The following DOCK6 variants were observed in gnomAD, a reference collection of about 807,000 sequenced individuals.
DOCK6 encodes dedicator of cytokinesis 6.
DOCK6 carries 167 observed loss-of-function variants against 230.3 expected under a neutral mutation model. The ratio of observed to expected loss-of-function variants is 0.73; its 90% CI spans 0.64 to 0.82. The LOEUF is 0.82. Ranked by LOEUF, DOCK6 falls within the 40% of genes least tolerant of loss-of-function variation. The pLI is 0.00. For synonymous variants in DOCK6, 1,148 were observed against 1,185.0 expected (o/e 0.97, Z 0.64); for missense variants, 2,598 against 2,825.8 (o/e 0.92, Z 1.83).
At chr19:11,252,682 T>A in intron 3 of DOCK6, 101 bp downstream of exon 3, 1 of 1,594,714 alleles carries the variant, frequency 6.3e-7, no homozygotes. Context: ...GCATGGCTTG[T>A]CCAACGTCAC....
At chr19:11,235,922 C>A in intron 20 of DOCK6, 163 bp from the exon 21 acceptor site, 1 of 980,114 alleles carries the variant, frequency 1.0e-6, no homozygotes, top group African/African-American at 1.7e-5. Flanking sequence ...GCTCTGTTGC[C>A]CGGGCTGGAG....
In DOCK6 at chr19:11,243,441, AG is replaced by A. The variant is rs1293147841; in HGVS notation, c.1259-57del. The A allele has an allele frequency of 1.9e-6, 3 of 1,574,132 alleles. No individual in the cohort carries two copies. The highest frequency in any genetic ancestry group is 2.6e-6 in the Non-Finnish European group (3 of 1,161,784). ...GGACCAAGATGAAACAGGGAGACTC[AG>A]GGGCGGCACAGTTCGGCCAGCAGAG... is the stretch of plus-strand genomic sequence containing the variant. On this transcript the variant is annotated intron_variant, in intron 11 of 47. Coordinates refer to ENST00000294618, the MANE Select transcript of DOCK6 (RefSeq NM_020812.4). This position sits in a 1 kb window ranked among gnomAD's most constrained non-coding sequence, Gnocchi z 6.3.
At chr19:11,251,532 G>C (rs1210617650) in intron 5 of DOCK6, 2 of 158,374 alleles carry the variant, frequency 1.3e-5, no homozygotes, top group African/African-American at 4.8e-5. Context: ...AACTCTAAGG[G>C]CCTCAGTTTC....
intron 22 of DOCK6, among the ~76,000 whole-genome samples, chr19:11,229,723 G>A (rs1021079815): frequency 1.3e-5 from 2 of 151,870 alleles, no homozygotes; most frequent in South Asian, 4.2e-4. Context: ...TGTGGGTATG[G>A]GAGAAGAACG....
Position 11,243,361 on chromosome 19 carries a change from C to T in DOCK6, c.1283G>A (p.Arg428His), listed in dbSNP as rs1177689719. 1 of 1,601,336 alleles carries T rather than the reference C, an allele frequency of 6.2e-7. No individual in the cohort carries two copies. Among genetic ancestry groups the T allele is most frequent in the Non-Finnish European group, 8.5e-7 (1 of 1,174,636 alleles). ...CCGGTCCTGGGGCCCCCGACGGCGG[C>T]GGTCTGTCCAGGCTGGCCGGCGCTC... ...EGERRPAWTD[R>H]RRRGPQDRAS... Residue 428 changes from arginine to histidine, a missense_variant, in exon 12 of 48, where the codon CGC (arginine) becomes CAC (histidine). Transcript: ENST00000294618. This position sits in a 1 kb window ranked among gnomAD's most constrained non-coding sequence, Gnocchi z 6.3.
intron 1 of DOCK6, among the ~76,000 whole-genome samples, chr19:11,261,295 C>A (rs549297432): frequency 6.6e-6 from 1 of 152,224 alleles, no homozygotes; most frequent in African/African-American, 2.4e-5. Flanking sequence ...TCAAAGGCAC[C>A]TGCTCATCCA....
At chr19:11,229,063 T>A in intron 22 of DOCK6, 28 bp from the exon 23 acceptor site, 1 of 1,603,068 alleles carries the variant, frequency 6.2e-7, no homozygotes, top group Non-Finnish European at 8.5e-7. Flanking sequence ...GGTCACAGAG[T>A]GCGAGGTGCC....
In DOCK6 at chr19:11,217,212, G is replaced by A. The variant is rs761892295; in HGVS notation, c.3711+19C>T. ...ATTCAAAGTGGATGATGTCTATGGG[G>A]ACAAGCCTCCCTACTCACCGTTGGT... On this transcript the variant is annotated intron_variant, in intron 29 of 47. Transcript: ENST00000294618. The A allele has an allele frequency of 4.3e-6, 7 of 1,609,710 alleles. No individual in the cohort carries two copies. In the East Asian group the frequency reaches 1.6e-4, roughly 36 times the overall value.
At chr19:11,212,240 T>C in intron 35 of DOCK6, 89 bp from the exon 36 acceptor site, 1 of 1,446,810 alleles carries the variant, frequency 6.9e-7, no homozygotes. Context: ...ACATGGCCCT[T>C]GCGTTCTTTA....
intron 6 of DOCK6, among the ~76,000 whole-genome samples, chr19:11,250,646 C>T (rs1165149060): frequency 6.6e-6 from 1 of 152,090 alleles, no homozygotes; most frequent in Non-Finnish European, 1.5e-5. Context: ...ATACAATAGG[C>T]ACCCAATAAA....
chr19:11,253,033 C>T (rs569915444), intron 2 of DOCK6, 75 bp from the exon 3 acceptor site: 39 of 1,438,414 alleles, frequency 2.7e-5, no homozygotes, highest in South Asian at 5.3e-5. Context: ...GGGGTGGGTG[C>T]GCGCTGGCTT....
chr19:11,243,521 A>T lies in DOCK6; in HGVS notation c.1258+36T>A. On this transcript the variant is annotated intron_variant, in intron 11 of 47. Transcript: ENST00000294618. The surrounding 1 kb of genome is among the most constrained non-coding windows in gnomAD (Gnocchi z 6.3). The stretch of plus-strand genomic sequence containing the variant: ...CCCAGGCCTGTCAGCACCACCCTTT[A>T]GCCCCGCCCCAAGCCTGTTAGCCCC... The T allele has an allele frequency of 1.3e-6, 2 of 1,565,528 alleles. No homozygotes were observed. Among genetic ancestry groups the T allele is most frequent in the Non-Finnish European group, 1.7e-6 (2 of 1,157,422 alleles).
chr19:11,237,936 T>C, intron 16 of DOCK6, 109 bp downstream of exon 16: 1 of 1,448,616 alleles, frequency 6.9e-7, no homozygotes, highest in Non-Finnish European at 9.4e-7. Context: ...TCTACCTCTC[T>C]TCTTCCTGTC....
Position 11,222,643 on chromosome 19 carries a change from T to G in DOCK6, c.3240+92A>C. Reference sequence around the variant, plus strand: ...AGTTCACCTAGGCAGTGGTCCACCGTGAAAGGGACAGAGATGAGGGAACCA... The same window carrying G: ...AGTTCACCTAGGCAGTGGTCCACCGGGAAAGGGACAGAGATGAGGGAACCA... On this transcript the variant is annotated intron_variant, in intron 26 of 47. Coordinates refer to ENST00000294618, the MANE Select transcript of DOCK6 (RefSeq NM_020812.4). The surrounding 1 kb of genome is among the most constrained non-coding windows in gnomAD (Gnocchi z 4.0). 7.4e-7 allele frequency: 1 copy of G among 1,351,182 alleles called. No homozygotes were observed. The allele number at this position is 1,351,182 out of a possible 1,614,324, so 83.7% of individuals were successfully genotyped here.
At chr19:11,247,996 G>T in intron 7 of DOCK6, 70 bp downstream of exon 7, 1 of 1,372,726 alleles carries the variant, frequency 7.3e-7, no homozygotes, top group Non-Finnish European at 1.0e-6. Context: ...TACTCATGTA[G>T]TGTGTACCCC....
intron 21 of DOCK6, among the ~76,000 whole-genome samples, chr19:11,234,499 T>C (rs2079816432): frequency 7.6e-6 from 1 of 131,196 alleles, no homozygotes; most frequent in Admixed American, 7.4e-5. Flanking sequence ...GGTGTTTATT[T>C]GGCAAATTAA....
Position 11,243,342 on chromosome 19 carries a change from C to G in DOCK6, c.1302G>C (p.Gln434His). 6.3e-7 allele frequency: 1 copy of G among 1,599,736 alleles called. No individual in the cohort carries two copies. The highest frequency in any genetic ancestry group is 1.7e-4 in the Middle Eastern group (1 of 6,044). ...AWTDRRRRGP[Q>H]DRASSGDDAC... ...CGTCGTCCCCACTACTCGCCCGGTC[C>G]TGGGGCCCCCGACGGCGGCGGTCTG... is the stretch of plus-strand genomic sequence containing the variant. Residue 434 changes from glutamine (Q) to histidine (H), a missense_variant, in exon 12 of 48, where the codon CAG becomes CAC. Transcript: ENST00000294618. The surrounding 1 kb of genome is among the most constrained non-coding windows in gnomAD (Gnocchi z 6.3).
chr19:11,252,527 G>A lies in DOCK6; in HGVS notation c.332C>T (p.Ala111Val), dbSNP rs1180856582. 3.7e-6 allele frequency: 6 copies of A among 1,613,722 alleles called. No individual in the cohort carries two copies. In the African/African-American group the frequency reaches 4.0e-5, roughly 11 times the overall value. Residue 111 changes from alanine (A) to valine (V), a missense_variant, in exon 4 of 48, where the codon GCC becomes GTC. Physicochemically the swap from Ala to Val is moderately conservative, Grantham distance 64. Coordinates refer to ENST00000294618, the MANE Select transcript of DOCK6 (RefSeq NM_020812.4). ...GTCCTCAATATACATCTCCACCGCG[G>A]CCCTCACCTGGGCATCCAGTTTTCT... Reference protein sequence around the residue: ...KDEKLDAQVRAAVEMYIEDWV... With the variant: ...KDEKLDAQVRVAVEMYIEDWV...
chr19:11,238,137 G>A (rs2147834926), intron 15 of DOCK6, 22 bp from the exon 16 acceptor site: 2 of 1,613,910 alleles, frequency 1.2e-6, no homozygotes, highest in Middle Eastern at 1.6e-4. Context: ...GATTCATGAG[G>A]GACCCATGGG....
Sources: allele counts gnomAD v4.1 joint callset (sites outside exome capture counted in the v4.1 genomes callset), GRCh38; gene constraint gnomAD v4.1.1; non-coding constraint Gnocchi (gnomAD v3.1); transcripts MANE v1.5; gene names NCBI Gene and HGNC (gene_info 2026-07-23, HGNC 2026-07-21).